The following ARMC7 variants were observed in gnomAD, a reference collection of about 807,000 sequenced individuals.
ARMC7 encodes the protein armadillo repeat containing 7, also known as armadillo repeat-containing protein 7.
ARMC7 carries 9 observed loss-of-function variants against 14.8 expected under a neutral mutation model. The ratio of observed to expected loss-of-function variants is 0.61; its 90% CI spans 0.37 to 1.06. The LOEUF is 1.06. Ranked by LOEUF, ARMC7 falls within the 50% of genes least tolerant of loss-of-function variation. The pLI is 0.01. For missense variants in ARMC7, 262 were observed against 267.1 expected (o/e 0.98, Z 0.13); for synonymous variants, 125 against 123.4 (o/e 1.01, Z -0.09).
Position 75,110,076 on chromosome 17 carries a change from A to T in ARMC7, c.-213A>T. On this transcript the variant is annotated 5_prime_UTR_variant, in exon 1 of 3. Coordinates refer to ENST00000245543, the MANE Select transcript of ARMC7 (RefSeq NM_024585.4). ...GCCCCAATTTCGATTTTCAAACGCA[A>T]CTCCTACAGGATTCTGAGACCCCGT... The T allele has an allele frequency of 1.8e-6, 1 of 541,102 alleles. No individual in the cohort carries two copies. Among genetic ancestry groups the T allele is most frequent in the Admixed American group, 3.6e-5 (1 of 27,784 alleles). The allele number at this position is 541,102 out of a possible 1,614,324, so 33.5% of individuals were successfully genotyped here.
intron 2 of ARMC7, among the ~76,000 whole-genome samples, chr17:75,122,839 A>C (rs1458364861): frequency 2.0e-5 from 3 of 150,942 alleles, no homozygotes; most frequent in African/African-American, 7.3e-5. Context: ...CTGTAATGTC[A>C]GTAAGTGTGA....
chr17:75,115,184 G>A (rs1306370331), intron 2 of ARMC7, among the ~76,000 whole-genome samples: 1 of 152,180 alleles, frequency 6.6e-6, no homozygotes, highest in Non-Finnish European at 1.5e-5. Flanking sequence ...CCCCTGAGCA[G>A]GGTTGGTTCT....
At chr17:75,113,058 C>G (rs567715242) in intron 2 of ARMC7, among the ~76,000 whole-genome samples, 1 of 137,412 alleles carries the variant, frequency 7.3e-6, no homozygotes, top group African/African-American at 3.0e-5. Context: ...TGGAGTCTTG[C>G]TCTGTCGCCC....
At chr17:75,116,953 C>T (rs1016926426) in intron 2 of ARMC7, among the ~76,000 whole-genome samples, 5 of 152,312 alleles carry the variant, frequency 3.3e-5, no homozygotes, top group African/African-American at 1.2e-4. Flanking sequence ...TGGCCCAGCA[C>T]TTCTGCCTCC....
At position 75,110,336 on chromosome 17, in the gene ARMC7, C is replaced by A; in HGVS notation, c.48C>A (p.Tyr16Ter). The change falls in exon 1 of 3, where the codon TAC (tyrosine) becomes TAA (stop). Residue 16 changes from tyrosine to a stop codon, truncating the protein, a stop_gained. Transcript: ENST00000245543. LOFTEE classifies it high-confidence loss of function. ...KVDPHVGRLG[Y>*]LQALVTEFQE... Reference sequence around the variant, plus strand: ...ACCCCCACGTCGGGCGGCTGGGATACCTGCAGGCGCTGGTCACGGAATTCC... The same window carrying A: ...ACCCCCACGTCGGGCGGCTGGGATAACTGCAGGCGCTGGTCACGGAATTCC... The A allele has an allele frequency of 6.2e-7, 1 of 1,613,950 alleles. No individual in the cohort carries two copies. Among genetic ancestry groups the A allele is most frequent in the Non-Finnish European group, 8.5e-7 (1 of 1,180,030 alleles).
intron 2 of ARMC7, among the ~76,000 whole-genome samples, chr17:75,112,687 T>C (rs927727086): frequency 7.9e-5 from 12 of 151,012 alleles, no homozygotes; most frequent in Admixed American, 4.6e-4. Context: ...GCAGTCTTCC[T>C]GCCTTAGCCT....
At chr17:75,117,879 G>C (rs947470139) in intron 2 of ARMC7, among the ~76,000 whole-genome samples, 54 of 152,118 alleles carry the variant, frequency 3.5e-4, no homozygotes, top group African/African-American at 1.3e-3. Flanking sequence ...CCAGCACTTT[G>C]GGAGGCTGAG....
chr17:75,114,422 G>A (rs2073957418), intron 2 of ARMC7: 1 of 395,214 alleles, frequency 2.5e-6, no homozygotes, highest in Non-Finnish European at 4.5e-6. Flanking sequence ...GGGCGGCGTG[G>A]GCCTGGGCTG....
chr17:75,124,847 G>C (rs1388932906), intron 2 of ARMC7, among the ~76,000 whole-genome samples: 2 of 152,192 alleles, frequency 1.3e-5, no homozygotes, highest in African/African-American at 2.4e-5. Context: ...CTAGGGTTCA[G>C]TCATGTGTCC....
chr17:75,124,639 T>A (rs73350595), intron 2 of ARMC7, among the ~76,000 whole-genome samples: 7,572 of 152,154 alleles, frequency 0.05, 641 homozygotes, highest in African/African-American at 0.17. Flanking sequence ...AGACTGAGCC[T>A]GGCATCTGCC....
intron 2 of ARMC7, among the ~76,000 whole-genome samples, chr17:75,115,091 T>C (rs565828140): frequency 2.6e-5 from 4 of 152,224 alleles, no homozygotes; most frequent in East Asian, 3.9e-4. Flanking sequence ...CCTTTTGGCC[T>C]AGGGAGGAGG....
At chr17:75,119,929 G>T (rs2074001721) in intron 2 of ARMC7, among the ~76,000 whole-genome samples, 1 of 151,832 alleles carries the variant, frequency 6.6e-6, no homozygotes, top group Admixed American at 6.6e-5. Context: ...TTTTGAGATG[G>T]AGTCTCGCCC....
chr17:75,127,232 A>C (rs1373129728), intron 2 of ARMC7, among the ~76,000 whole-genome samples: 1 of 152,188 alleles, frequency 6.6e-6, no homozygotes, highest in Non-Finnish European at 1.5e-5. Flanking sequence ...ACCAAGCAGC[A>C]AGCAGAGTAT....
chr17:75,114,868 G>A (rs2073962251), intron 2 of ARMC7: 2 of 394,992 alleles, frequency 5.1e-6, no homozygotes, highest in Admixed American at 4.4e-5. Flanking sequence ...GAGAAGGAGA[G>A]CCCCCGCGTA....
At position 75,128,821 on chromosome 17, in the gene ARMC7, C is replaced by G; in HGVS notation, c.380C>G (p.Pro127Arg). The G allele has an allele frequency of 6.2e-7, 1 of 1,613,178 alleles. No individual in the cohort carries two copies. Among genetic ancestry groups the G allele is most frequent in the Non-Finnish European group, 8.5e-7 (1 of 1,180,006 alleles). ...ATCACCACGCTCATGCACCTGAGCC[C>G]GCCGGGCCGCAGCTTTCTCCCAGAG... is the stretch of plus-strand genomic sequence containing the variant. ...SAITTLMHLS[P>R]PGRSFLPELT... is the part of the protein sequence containing the mutation. The change falls in exon 3 of 3, where the codon CCG becomes CGG. Residue 127 changes from proline (P) to arginine (R), a missense_variant. Pro to Arg is a moderately radical substitution (Grantham distance 103, BLOSUM62 -2). Transcript: ENST00000245543.
At chr17:75,119,957 T>A (rs1204676533) in intron 2 of ARMC7, among the ~76,000 whole-genome samples, 1 of 151,974 alleles carries the variant, frequency 6.6e-6, no homozygotes, top group African/African-American at 2.4e-5. Context: ...CAGGCTGGAG[T>A]GCAGTGGCAT....
intron 2 of ARMC7, chr17:75,114,322 T>C (rs1366429893): frequency 2.5e-5 from 10 of 399,870 alleles, no homozygotes; most frequent in Non-Finnish European, 4.0e-5. Flanking sequence ...GTTTACCAAG[T>C]GGAGTCTTTC....
intron 2 of ARMC7, among the ~76,000 whole-genome samples, chr17:75,118,861 CGGGAACCCCCACCACCAAGT>C (rs1029849452): frequency 2.6e-5 from 4 of 152,196 alleles, no homozygotes; most frequent in Non-Finnish European, 5.9e-5. Flanking sequence ...TTGTACATAT[CGGGAACCCCCACCACCAAGT>C]GAGGGCAAGT....
chr17:75,126,994 G>A (rs1209083697), intron 2 of ARMC7, among the ~76,000 whole-genome samples: 4 of 151,126 alleles, frequency 2.6e-5, no homozygotes, highest in African/African-American at 7.3e-5. Context: ...CCCGGGAGGC[G>A]GAGGTTGCAA....
Sources: gnomAD v4.1 joint callset for allele counts (sites outside exome capture counted in the v4.1 genomes callset) on GRCh38, gnomAD v4.1.1 for gene constraint, MANE v1.5 for transcripts, NCBI Gene and HGNC (gene_info 2026-07-23, HGNC 2026-07-21) for gene names.